EBF4: variants seen among roughly 807,000 people sequenced by gnomAD.
EBF4 encodes EBF transcription factor 4, also known as transcription factor COE4.
Under a neutral mutation model 67.1 loss-of-function variants are expected in EBF4, and 34 were observed. The observed-to-expected ratio is 0.51, with a 90% CI of 0.39 to 0.67. The LOEUF (loss-of-function observed/expected upper bound fraction) is 0.67. Ranked by LOEUF, EBF4 falls within the 30% of genes least tolerant of loss-of-function variation. The probability of loss-of-function intolerance (pLI) is 0.00; values close to 1 mark genes in which losing one functional copy is unlikely to be tolerated. For synonymous variants in EBF4, 387 were observed against 377.7 expected, an observed-to-expected ratio of 1.02 and a Z score of -0.29; for missense variants, 837 against 873.3, an observed-to-expected ratio of 0.96 and a Z score of 0.52.
At chr20:2,712,294 G>A (rs1243876919) in intron 6 of EBF4, among the ~76,000 whole-genome samples, 1 of 152,202 alleles carries the variant, frequency 6.6e-6, no homozygotes, top group African/African-American at 2.4e-5. Flanking sequence ...CCAGGTGAAG[G>A]ATGATGGAAG....
intron 1 of EBF4, among the ~76,000 whole-genome samples, chr20:2,697,267 C>T (rs998575730): frequency 5.9e-5 from 9 of 151,916 alleles, no homozygotes; most frequent in Non-Finnish European, 1.2e-4. Context: ...TAGGGAGGGC[C>T]GGGTGCGATG....
chr20:2,759,937 C>T (rs185059311), downstream of EBF4: 18 of 152,434 alleles, frequency 1.2e-4, no homozygotes, highest in African/African-American at 4.3e-4. Flanking sequence ...CAGTGGATGT[C>T]TCATGGACTC....
intron 5 of EBF4, among the ~76,000 whole-genome samples, chr20:2,709,035 A>G (rs755282879): frequency 3.9e-5 from 6 of 152,028 alleles, no homozygotes; most frequent in African/African-American, 1.4e-4. Context: ...AAATTACAAA[A>G]ATTAGCCAGG....
chr20:2,742,775 G>A (rs2087986866), intron 6 of EBF4, among the ~76,000 whole-genome samples: 1 of 152,140 alleles, frequency 6.6e-6, no homozygotes, highest in Admixed American at 6.5e-5. Context: ...CAGGAGTGGG[G>A]AGGGGTGCTC....
At chr20:2,748,815 T>A (rs1295202284) in intron 7 of EBF4, among the ~76,000 whole-genome samples, 185 bp downstream of exon 7, 1 of 152,208 alleles carries the variant, frequency 6.6e-6, no homozygotes, top group East Asian at 1.9e-4. Flanking sequence ...CTTCTCAACT[T>A]GTGCTGGCTG....
rs1258642831 is a variant in EBF4, at chr20:2,755,773, C to G, written c.1687C>G (p.Pro563Ala). 4 of 1,550,270 alleles carry G rather than the reference C, an allele frequency of 2.6e-6. No individual in the cohort carries two copies. Among genetic ancestry groups the G allele is most frequent in the Admixed American group, 3.9e-5 (2 of 50,996 alleles). The change falls in exon 15 of 17, where the codon CCA becomes GCA. Residue 563 changes from proline (P) to alanine (A), a missense_variant. Pro to Ala is a conservative substitution (Grantham distance 27, BLOSUM62 -1). This residue lies in a region of EBF4 where 525 missense variants were observed against 496.5 expected (regional missense o/e 1.06). Transcript: ENST00000609451. This position sits in a 1 kb window ranked among gnomAD's most constrained non-coding sequence, Gnocchi z 4.7. ...CGCCTTCGCCCCCGTGCTGCGCCCCCCAAGCTCCCCACCCCAGGCCTGCCC... is the reference window on the plus strand; with the variant it reads ...CGCCTTCGCCCCCGTGCTGCGCCCCGCAAGCTCCCCACCCCAGGCCTGCCC...
rs1328259563 is a variant in EBF4 at position 2,758,752 on chromosome 20, C to T, written c.1739-157C>T. ...AGCATCTGAGAGGCACCCCTCACCCCGATCTGCAGTGCTGCCATGGGCCAG... is the reference window on the plus strand; with the variant it reads ...AGCATCTGAGAGGCACCCCTCACCCTGATCTGCAGTGCTGCCATGGGCCAG... On this transcript the variant is annotated intron_variant, in intron 15 of 16. Coordinates refer to ENST00000609451, the Ensembl canonical transcript of EBF4. The T allele has an allele frequency of 1.5e-5, 10 of 667,372 alleles. No individual in the cohort carries two copies. The East Asian group carries it at 1.6e-4, about 11-fold the overall frequency. The allele number at this position is 667,372 out of a possible 1,614,324, so 41.3% of individuals were successfully genotyped here.
Position 2,695,122 on chromosome 20 carries a change from C to CT in EBF4, c.137+1352dup, listed in dbSNP as rs969836812. On this transcript the variant is annotated intron_variant, in intron 1 of 16. Transcript: ENST00000609451. ...CTGCCTATTCTTCTGTTGGTTCTGGCTTTTTTTTTTTTCAACTTGAGAAGG... is the reference window on the plus strand; with the variant it reads ...CTGCCTATTCTTCTGTTGGTTCTGGCTTTTTTTTTTTTTCAACTTGAGAAGG... Among the ~76,000 whole-genome samples the CT allele has an allele frequency of 2.7e-3, 381 of 139,860 alleles. 3 individuals carry two copies. Among genetic ancestry groups the CT allele is most frequent in the South Asian group, 0.014 (63 of 4,372 alleles). The allele number at this position is 139,860 out of a possible 152,430, so 91.8% of individuals were successfully genotyped here.
upstream of EBF4, chr20:2,693,447 G>A (rs1436022585): frequency 4.1e-6 from 2 of 484,662 alleles, no homozygotes; most frequent in African/African-American, 2.0e-5. The surrounding 1 kb of genome is among the most constrained non-coding windows in gnomAD (Gnocchi z 4.6). Context: ...GCCCCAGGAG[G>A]GGAGGGGACA....
chr20:2,743,976 A>G (rs1373024305), intron 6 of EBF4, among the ~76,000 whole-genome samples: 2 of 152,168 alleles, frequency 1.3e-5, no homozygotes, highest in East Asian at 3.8e-4. Context: ...TTTGTACCCT[A>G]TAACCCACTT....
Position 2,699,457 on chromosome 20 carries a change from A to T in EBF4, c.137+5675A>T, listed in dbSNP as rs564808789. On this transcript the variant is annotated intron_variant, in intron 1 of 16. Transcript: ENST00000609451. ...TATTTAAGAATGAAAGATGGAAAGG[A>T]GGTGAGTGGGGCACAATGAAAATAC... Among the ~76,000 whole-genome samples, 4 of 152,314 alleles carry T rather than the reference A, an allele frequency of 2.6e-5. No homozygotes were observed. The South Asian group carries it at 8.3e-4, about 32-fold the overall frequency.
In EBF4 at chr20:2,756,860, C is replaced by G. The variant is rs1056600249; in HGVS notation, c.1738+1036C>G. 6.6e-6 allele frequency among the ~76,000 whole-genome samples: 1 copy of G among 152,164 alleles called. No homozygotes were observed. The highest frequency in any genetic ancestry group is 1.5e-5 in the Non-Finnish European group (1 of 68,036). On this transcript the variant is annotated intron_variant, in intron 15 of 16. Transcript: ENST00000609451. This position sits in a 1 kb window ranked among gnomAD's most constrained non-coding sequence, Gnocchi z 4.5. ...GTGGCTACTGAAGAATTTGTCAGAG[C>G]CTTTCATGTGCCAGGGTACGTTGTG...
Position 2,754,741 on chromosome 20 carries a change from A to T in EBF4, c.1541-886A>T, listed in dbSNP as rs576104737. On this transcript the variant is annotated intron_variant, in intron 14 of 16. Transcript: ENST00000609451. ...GGCAGGGAATTGGGTTCAGATGAGG[A>T]TGTAGAAAGGTGGGATCCAGCGATG... is the stretch of plus-strand genomic sequence containing the variant. 1.9e-3 allele frequency among the ~76,000 whole-genome samples: 287 copies of T among 152,142 alleles called. 2 individuals carry two copies. Among genetic ancestry groups the T allele is most frequent in the Middle Eastern group, 6.8e-3 (2 of 294 alleles).
chr20:2,738,962 T>C (rs1159855584), intron 6 of EBF4, among the ~76,000 whole-genome samples: 1 of 152,190 alleles, frequency 6.6e-6, no homozygotes, highest in Non-Finnish European at 1.5e-5. Flanking sequence ...CCATCTGCAC[T>C]GCAGCCACCT....
intron 6 of EBF4, among the ~76,000 whole-genome samples, chr20:2,720,899 G>A (rs939643379): frequency 3.9e-5 from 6 of 152,052 alleles, no homozygotes; most frequent in African/African-American, 4.8e-5. Flanking sequence ...GTAAGATGTC[G>A]CTCCACTGTC....
intron 6 of EBF4, among the ~76,000 whole-genome samples, chr20:2,717,641 T>C (rs762724399): frequency 2.0e-5 from 3 of 152,212 alleles, no homozygotes; most frequent in African/African-American, 4.8e-5. Flanking sequence ...TTGATCTTTG[T>C]CTTTAGATTT....
At chr20:2,731,548 A>C (rs965897455) in intron 6 of EBF4, among the ~76,000 whole-genome samples, 1 of 152,186 alleles carries the variant, frequency 6.6e-6, no homozygotes, top group African/African-American at 2.4e-5. Context: ...ATAGCGTCTA[A>C]ATGGGCATCC....
rs1225858337 is a variant in EBF4 at position 2,755,842 on chromosome 20, C to A, written c.1738+18C>A. On this transcript the variant is annotated intron_variant, in intron 15 of 16. Transcript: ENST00000609451. This position sits in a 1 kb window ranked among gnomAD's most constrained non-coding sequence, Gnocchi z 4.7. ...GCTTCCAGGTGAGTGATCCACCCTGCCTCACTGTGGCAGGAAGGAAGGGCC... is the reference window on the plus strand; with the variant it reads ...GCTTCCAGGTGAGTGATCCACCCTGACTCACTGTGGCAGGAAGGAAGGGCC... The A allele has an allele frequency of 6.5e-7, 1 of 1,541,706 alleles. No homozygotes were observed. The highest frequency in any genetic ancestry group is 2.0e-5 in the Admixed American group (1 of 50,814).
At chr20:2,738,037 G>C (rs1247645571) in intron 6 of EBF4, among the ~76,000 whole-genome samples, 1 of 152,090 alleles carries the variant, frequency 6.6e-6, no homozygotes, top group Non-Finnish European at 1.5e-5. Context: ...CCACAGTCAG[G>C]GGTAGACATC....
Sources: allele counts gnomAD v4.1 joint callset (sites outside exome capture counted in the v4.1 genomes callset), GRCh38; gene constraint gnomAD v4.1.1; regional missense constraint gnomAD v4.1.1; non-coding constraint Gnocchi (gnomAD v3.1); transcripts MANE v1.5; gene names NCBI Gene and HGNC (gene_info 2026-07-23, HGNC 2026-07-21).